Variants in GLB1L2 observed in about 807,000 individuals in gnomAD.
GLB1L2 encodes the protein galactosidase beta 1 like 2, also known as beta-galactosidase-1-like protein 2.
A neutral mutation model predicts 84.1 loss-of-function variants in GLB1L2; 68 were observed. That is an observed-to-expected ratio of 0.81 (90% confidence interval 0.67 to 0.99). GLB1L2 has a LOEUF of 0.99. Among genes scored for constraint, GLB1L2 ranks in the 50% least tolerant of loss-of-function variants. The pLI is 0.00. For missense variants in GLB1L2, 762 were observed against 805.6 expected, an observed-to-expected ratio of 0.95 and a Z score of 0.66; for synonymous variants, 290 against 318.0, an observed-to-expected ratio of 0.91 and a Z score of 0.94.
rs1299799224 is a variant in GLB1L2 at position 134,339,171 on chromosome 11, G to C, written c.87-3583G>C. ...GGGCTTCCTTAGGATTTGGTTAGCT[G>C]CTTGGTATCAAGCCTAATTTAGGAG... On this transcript the variant is annotated intron_variant, in intron 1 of 18. Transcript: ENST00000535456. This position sits in a 1 kb window ranked among gnomAD's most constrained non-coding sequence, Gnocchi z 5.7. Among the ~76,000 whole-genome samples the C allele has an allele frequency of 1.3e-5, 2 of 152,178 alleles. No individual in the cohort carries two copies. The highest frequency in any genetic ancestry group is 2.9e-5 in the Non-Finnish European group (2 of 68,046).
At chr11:134,365,242 C>A (rs1943853079) in intron 8 of GLB1L2, among the ~76,000 whole-genome samples, 1 of 152,232 alleles carries the variant, frequency 6.6e-6, no homozygotes, top group African/African-American at 2.4e-5. Flanking sequence ...GTGGCTTCTC[C>A]TGGAGTTCAG....
chr11:134,358,697 C>T (rs1943739405), intron 6 of GLB1L2, among the ~76,000 whole-genome samples: 1 of 152,266 alleles, frequency 6.6e-6, no homozygotes, highest in Non-Finnish European at 1.5e-5. Context: ...CTGACCTACT[C>T]GCTGGAGCCC....
intron 5 of GLB1L2, among the ~76,000 whole-genome samples, chr11:134,351,824 T>G (rs561032353): frequency 2.6e-5 from 4 of 152,350 alleles, no homozygotes; most frequent in African/African-American, 9.6e-5. Flanking sequence ...TCATAGTGTC[T>G]TTTGTTTGTA....
At chr11:134,367,210 T>G in intron 8 of GLB1L2, 47 bp from the exon 9 acceptor site, 1 of 1,527,256 alleles carries the variant, frequency 6.5e-7, no homozygotes, top group Non-Finnish European at 9.1e-7. Flanking sequence ...TTCCCTCTTT[T>G]TTGTCTGGCC....
At chr11:134,374,854 C>T (rs1944005114) in intron 18 of GLB1L2, 118 bp from the exon 19 acceptor site, 3 of 1,184,826 alleles carry the variant, frequency 2.5e-6, no homozygotes, top group East Asian at 2.4e-5. Flanking sequence ...GTTGTTGGTC[C>T]CTGTCCCTTC....
At chr11:134,362,850 GT>G (rs1943814645) in intron 7 of GLB1L2, among the ~76,000 whole-genome samples, 2 of 152,288 alleles carry the variant, frequency 1.3e-5, no homozygotes, top group South Asian at 4.1e-4. Flanking sequence ...GGGGCTGGGA[GT>G]GGGGTGAGGC....
chr11:134,367,993 C>T (rs1943888382), intron 9 of GLB1L2, among the ~76,000 whole-genome samples: 2 of 152,190 alleles, frequency 1.3e-5, no homozygotes, highest in Non-Finnish European at 2.9e-5. Flanking sequence ...GGCTCCTCGG[C>T]ACCGTGTAGA....
At chr11:134,353,199 G>A (rs369257278) in intron 5 of GLB1L2, among the ~76,000 whole-genome samples, 10 of 152,060 alleles carry the variant, frequency 6.6e-5, no homozygotes, top group South Asian at 2.1e-4. Flanking sequence ...ACTTGAGGTC[G>A]GGAGTTAGAG....
chr11:134,371,445 GGAT>G lies in GLB1L2; in HGVS notation c.1382_1384del (p.Gly461_Phe462delinsVal). 6.2e-7 allele frequency: 1 copy of G among 1,600,490 alleles called. No individual in the cohort carries two copies. The highest frequency in any genetic ancestry group is 8.6e-7 in the Non-Finnish European group (1 of 1,167,552). On this transcript the variant is annotated inframe_deletion, in exon 14 of 19. Coordinates refer to ENST00000535456, the MANE Select transcript of GLB1L2 (RefSeq NM_001370461.1). ...GGTGTTTGTGAACACAGTATCCATA[GGAT>G]TCTTGGACTACAAGACAACGAAGAT...
intron 7 of GLB1L2, chr11:134,359,843 G>C (rs552775408): frequency 6.6e-6 from 1 of 152,364 alleles, no homozygotes; most frequent in Non-Finnish European, 1.5e-5. Context: ...CCTCTTTACT[G>C]TTCCTCCAAC....
At chr11:134,374,881 C>CTTT in intron 18 of GLB1L2, 91 bp from the exon 19 acceptor site, 2 of 1,342,310 alleles carry the variant, frequency 1.5e-6, no homozygotes, top group Non-Finnish European at 2.1e-6. Context: ...GGTTCCCAAA[C>CTTT]CCTTTCCTTC....
intron 4 of GLB1L2, among the ~76,000 whole-genome samples, chr11:134,345,413 G>C (rs562949975): frequency 6.6e-6 from 1 of 152,328 alleles, no homozygotes; most frequent in East Asian, 1.9e-4. Flanking sequence ...GTGGAGCTGT[G>C]AGTCCTGGCA....
intron 15 of GLB1L2, chr11:134,372,639 CTG>C (rs745575452): frequency 2.6e-5 from 4 of 152,278 alleles, no homozygotes; most frequent in Admixed American, 6.5e-5. Flanking sequence ...ATGAATGCGA[CTG>C]TGGTGAGCAG....
chr11:134,342,367 A>G (rs1943478034), intron 1 of GLB1L2, among the ~76,000 whole-genome samples: 2 of 151,982 alleles, frequency 1.3e-5, no homozygotes, highest in Admixed American at 1.3e-4. Context: ...CGGGGCTCGG[A>G]GGTACCGTGT....
In GLB1L2 at chr11:134,332,090, C is replaced by T. The variant is rs1007764450; in HGVS notation, c.29C>T (p.Pro10Leu). 3 of 1,588,458 alleles carry T rather than the reference C, an allele frequency of 1.9e-6. No individual in the cohort carries two copies. In the African/African-American group the frequency reaches 4.1e-5, roughly 22 times the overall value. Residue 10 changes from proline to leucine, a missense_variant, in exon 1 of 19, where the codon CCG becomes CTG. This residue lies in a region of GLB1L2 where 100 missense variants were observed against 88.8 expected (regional missense o/e 1.13). Coordinates refer to ENST00000535456, the MANE Select transcript of GLB1L2 (RefSeq NM_001370461.1). ...ACCACGTGGAGCCTCCGGCGGAGGC[C>T]GGCCCGCACGCTGGGACTCCTGCTG... MTTWSLRRR[P>L]ARTLGLLLLV... is the part of the protein sequence containing the mutation.
At position 134,334,821 on chromosome 11, in the gene GLB1L2, C is replaced by T. The variant is rs761614528; in HGVS notation, c.86+2674C>T. Among the ~76,000 whole-genome samples the T allele has an allele frequency of 6.6e-6, 1 of 152,150 alleles. No homozygotes were observed. Among genetic ancestry groups the T allele is most frequent in the Non-Finnish European group, 1.5e-5 (1 of 68,024 alleles). On this transcript the variant is annotated intron_variant, in intron 1 of 18. Coordinates refer to ENST00000535456, the MANE Select transcript of GLB1L2 (RefSeq NM_001370461.1). This position sits in a 1 kb window ranked among gnomAD's most constrained non-coding sequence, Gnocchi z 4.1. ...GTATTATTTTGAGGTCTGCGATGCA[C>T]GTATCAGTGCGAACCGTGCCTTTGA...
At chr11:134,345,672 T>C (rs1449732516) in intron 4 of GLB1L2, among the ~76,000 whole-genome samples, 2 of 152,182 alleles carry the variant, frequency 1.3e-5, no homozygotes, top group Non-Finnish European at 2.9e-5. Context: ...GGTTTCACCA[T>C]GTTGGCTAGG....
intron 17 of GLB1L2, 117 bp from the exon 18 acceptor site, chr11:134,374,485 C>G (rs577684402): frequency 1.3e-4 from 106 of 844,432 alleles, no homozygotes; most frequent in African/African-American, 1.2e-3. Flanking sequence ...ACCCTCATGG[C>G]TGTCCAGACA....
At position 134,344,982 on chromosome 11, in the gene GLB1L2, C is replaced by T. The variant is rs1057104339; in HGVS notation, c.354-52C>T. ...CCCTGTGATGCGCGTGGCCCCCACC[C>T]GGCCTCATCCTGGGCCGTCGTGGGA... On this transcript the variant is annotated intron_variant, in intron 3 of 18. Coordinates refer to ENST00000535456, the MANE Select transcript of GLB1L2 (RefSeq NM_001370461.1). 542 of 1,578,460 alleles carry T rather than the reference C, an allele frequency of 3.4e-4. 2 individuals carry two copies. Among genetic ancestry groups the T allele is most frequent in the Middle Eastern group, 4.5e-4 (2 of 4,400 alleles).
Sources: gnomAD v4.1 joint callset for allele counts (sites outside exome capture counted in the v4.1 genomes callset) on GRCh38, gnomAD v4.1.1 for gene constraint, gnomAD v4.1.1 regional missense constraint, Gnocchi (gnomAD v3.1) non-coding constraint, MANE v1.5 for transcripts, NCBI Gene and HGNC (gene_info 2026-07-23, HGNC 2026-07-21) for gene names.